Variants in ANKS1B observed in about 807,000 individuals in gnomAD.
The protein encoded by ANKS1B is ankyrin repeat and sterile alpha motif domain-containing protein 1B.
A neutral mutation model predicts 148.3 loss-of-function variants in ANKS1B; 36 were observed. The ratio of observed to expected loss-of-function variants is 0.24; its 90% confidence interval spans 0.19 to 0.32. The LOEUF (loss-of-function observed/expected upper bound fraction) is 0.32, where lower values mean the gene tolerates loss of function less well. ANKS1B is among the 10% of genes least tolerant of loss of function. The pLI is 1.00. For missense variants in ANKS1B, 1,157 were observed against 1,542.6 expected (o/e 0.75, Z 4.19); for synonymous variants, 542 against 560.8 (o/e 0.97, Z 0.47).
intron 14 of ANKS1B, among the ~76,000 whole-genome samples, chr12:99,163,099 T>C (rs2076843779): frequency 6.6e-6 from 1 of 152,196 alleles, no homozygotes; most frequent in Non-Finnish European, 1.5e-5. Context: ...TTTAATTTAT[T>C]ATTTGTTGGT....
At chr12:98,900,237 T>C (rs1036791429) in intron 17 of ANKS1B, among the ~76,000 whole-genome samples, 14 of 152,340 alleles carry the variant, frequency 9.2e-5, no homozygotes, top group African/African-American at 2.9e-4. Flanking sequence ...ATTGGAATTA[T>C]ATACTTGATA....
chr12:99,642,159 T>A (rs1230176565), intron 9 of ANKS1B, among the ~76,000 whole-genome samples: 2 of 152,244 alleles, frequency 1.3e-5, no homozygotes, highest in Non-Finnish European at 2.9e-5. Flanking sequence ...ATAGTTCATT[T>A]ATTTTAAAAG....
intron 9 of ANKS1B, among the ~76,000 whole-genome samples, chr12:99,545,124 C>T (rs1185556640): frequency 2.0e-5 from 3 of 152,000 alleles, no homozygotes; most frequent in Non-Finnish European, 4.4e-5. Context: ...TTATATGATC[C>T]GTTCTTCATG....
intron 1 of ANKS1B, among the ~76,000 whole-genome samples, chr12:99,838,988 G>A (rs545467248): frequency 6.6e-6 from 1 of 151,732 alleles, no homozygotes; most frequent in East Asian, 1.9e-4. Context: ...AATTTCTATA[G>A]CTTTATAGCA....
At chr12:99,724,663 A>G (rs1473851202) in intron 8 of ANKS1B, among the ~76,000 whole-genome samples, 2 of 152,172 alleles carry the variant, frequency 1.3e-5, no homozygotes, top group Admixed American at 1.3e-4. Flanking sequence ...GAACACCACT[A>G]AGATACTCCA....
chr12:98,915,048 A>AT (rs1405230633), intron 17 of ANKS1B, among the ~76,000 whole-genome samples: 5 of 152,104 alleles, frequency 3.3e-5, no homozygotes, highest in African/African-American at 1.2e-4. Flanking sequence ...AGAACTTGTT[A>AT]TGGGTTGAAT....
At chr12:99,579,970 C>T (rs1369845276) in intron 9 of ANKS1B, among the ~76,000 whole-genome samples, 1 of 152,062 alleles carries the variant, frequency 6.6e-6, no homozygotes, top group African/African-American at 2.4e-5. Context: ...CAATGGAGGA[C>T]TGGATAAAGA....
At chr12:99,332,584 C>T (rs529917232) in intron 12 of ANKS1B, among the ~76,000 whole-genome samples, 4 of 151,758 alleles carry the variant, frequency 2.6e-5, no homozygotes, top group Non-Finnish European at 5.9e-5. Flanking sequence ...AAAACGTGTA[C>T]CTGGCACTGG....
intron 12 of ANKS1B, among the ~76,000 whole-genome samples, chr12:99,299,692 T>C (rs1395802490): frequency 2.0e-5 from 3 of 152,224 alleles, no homozygotes; most frequent in East Asian, 1.9e-4. Context: ...ACTCTGACAA[T>C]AGAAGTTAGG....
At chr12:99,543,508 C>CA in intron 9 of ANKS1B, among the ~76,000 whole-genome samples, 1 of 152,150 alleles carries the variant, frequency 6.6e-6, no homozygotes, top group Admixed American at 6.5e-5. Context: ...AATGTTCATA[C>CA]AAAAACTTGC....
chr12:98,989,923 AAGAG>A (rs1413251848), intron 17 of ANKS1B, among the ~76,000 whole-genome samples: 2 of 151,284 alleles, frequency 1.3e-5, no homozygotes, highest in African/African-American at 2.4e-5. Context: ...GAAAGAAAGA[AAGAG>A]AAAGAAAGAG....
At chr12:99,344,309 T>C (rs538746954) in intron 12 of ANKS1B, among the ~76,000 whole-genome samples, 6 of 152,194 alleles carry the variant, frequency 3.9e-5, no homozygotes, top group African/African-American at 1.2e-4. Context: ...TGAGAAAGCT[T>C]CCCTGTTTCT....
intron 12 of ANKS1B, among the ~76,000 whole-genome samples, chr12:99,379,627 T>C (rs1481546774): frequency 6.6e-6 from 1 of 152,204 alleles, no homozygotes; most frequent in East Asian, 1.9e-4. Context: ...AGAAAATTGC[T>C]ACAGAAGACT....
At chr12:99,361,634 T>G (rs566637243) in intron 12 of ANKS1B, among the ~76,000 whole-genome samples, 1 of 152,236 alleles carries the variant, frequency 6.6e-6, no homozygotes, top group South Asian at 2.1e-4. Context: ...CAATATGATA[T>G]GGTTAATAAA....
chr12:99,898,854 C>G (rs1192431929), intron 1 of ANKS1B, among the ~76,000 whole-genome samples: 4 of 151,968 alleles, frequency 2.6e-5, no homozygotes, highest in Non-Finnish European at 4.4e-5. Context: ...ATGATGATGA[C>G]GACAACAACA....
intron 8 of ANKS1B, among the ~76,000 whole-genome samples, chr12:99,719,267 A>G (rs1045660412): frequency 1.3e-5 from 2 of 152,004 alleles, no homozygotes; most frequent in African/African-American, 4.8e-5. Context: ...TGACACATAT[A>G]CTTTCTGTTT....
chr12:99,642,957 C>T (rs1223499337), intron 9 of ANKS1B, among the ~76,000 whole-genome samples: 2 of 152,020 alleles, frequency 1.3e-5, no homozygotes, highest in Admixed American at 6.6e-5. Flanking sequence ...TCATATCACA[C>T]TATAAGTACC....
chr12:99,247,922 C>G (rs955962128), intron 12 of ANKS1B, among the ~76,000 whole-genome samples: 7 of 151,994 alleles, frequency 4.6e-5, no homozygotes. Context: ...GACAACAAAT[C>G]CAAAGTTGAT....
chr12:99,830,681 C>T (rs751580068), intron 1 of ANKS1B, among the ~76,000 whole-genome samples: 2 of 151,466 alleles, frequency 1.3e-5, no homozygotes, highest in African/African-American at 2.4e-5. Context: ...TAAATAGTCC[C>T]GAGAAATATG....
Sources: allele counts gnomAD v4.1 joint callset (sites outside exome capture counted in the v4.1 genomes callset), GRCh38; gene constraint gnomAD v4.1.1; transcripts MANE v1.5; gene names NCBI Gene and HGNC (gene_info 2026-07-23, HGNC 2026-07-21).